The following NELL1 variants were observed in gnomAD, a reference collection of about 807,000 sequenced individuals.
The protein encoded by NELL1 is protein kinase C-binding protein NELL1.
In NELL1, 76 loss-of-function variants were observed where a neutral mutation model predicts 107.4. The ratio of observed to expected loss-of-function variants is 0.71; its 90% confidence interval spans 0.59 to 0.86. The LOEUF (loss-of-function observed/expected upper bound fraction) is 0.86. Ranked by LOEUF, NELL1 falls within the 40% of genes least tolerant of loss-of-function variation. The probability of loss-of-function intolerance (pLI) is 0.00; values close to 1 mark genes in which losing one functional copy is unlikely to be tolerated. For missense variants in NELL1, 1,024 were observed against 1,005.5 expected, an observed-to-expected ratio of 1.02 and a Z score of -0.25; for synonymous variants, 353 against 341.2, an observed-to-expected ratio of 1.03 and a Z score of -0.38.
intron 14 of NELL1, among the ~76,000 whole-genome samples, chr11:21,305,740 AT>A (rs1849591582): frequency 6.6e-6 from 1 of 151,968 alleles, no homozygotes; most frequent in African/African-American, 2.4e-5. Context: ...TTCTATATAT[AT>A]ATTACATTTG....
intron 13 of NELL1, among the ~76,000 whole-genome samples, chr11:21,147,116 G>T (rs1209768274): frequency 6.6e-6 from 1 of 152,156 alleles, no homozygotes; most frequent in East Asian, 1.9e-4. Flanking sequence ...TCTAAAAGTG[G>T]TACTGAAGAA....
At chr11:20,951,678 G>C in intron 11 of NELL1, among the ~76,000 whole-genome samples, 1 of 152,120 alleles carries the variant, frequency 6.6e-6, no homozygotes, top group Non-Finnish European at 1.5e-5. Flanking sequence ...CTATAGAATT[G>C]GTAGGGAAGA....
chr11:21,149,495 A>T (rs1010223656), intron 13 of NELL1, among the ~76,000 whole-genome samples: 2 of 152,204 alleles, frequency 1.3e-5, no homozygotes, highest in Non-Finnish European at 2.9e-5. Flanking sequence ...AAACCATCAG[A>T]TGTCGTGAGA....
At chr11:20,865,812 T>G (rs950286864) in intron 4 of NELL1, among the ~76,000 whole-genome samples, 4 of 152,184 alleles carry the variant, frequency 2.6e-5, no homozygotes, top group African/African-American at 9.7e-5. Context: ...TGCCTGTACT[T>G]CTGTAAACAA....
At chr11:21,136,189 G>C (rs1855740073) in intron 13 of NELL1, among the ~76,000 whole-genome samples, 2 of 152,124 alleles carry the variant, frequency 1.3e-5, no homozygotes, top group Non-Finnish European at 2.9e-5. Flanking sequence ...AGTTCTGTGA[G>C]AACATTTCAT....
intron 15 of NELL1, among the ~76,000 whole-genome samples, chr11:21,492,767 G>T (rs1407690611): frequency 9.6e-6 from 1 of 104,310 alleles, no homozygotes; most frequent in Non-Finnish European, 1.8e-5. Flanking sequence ...AGGGGGGAGG[G>T]ATAGCATTAG....
intron 12 of NELL1, among the ~76,000 whole-genome samples, chr11:21,054,646 G>A (rs1314287984): frequency 3.3e-5 from 5 of 151,982 alleles, no homozygotes; most frequent in South Asian, 2.1e-4. Flanking sequence ...GTAAACAAGC[G>A]AGAGCCCATT....
At chr11:21,221,618 C>T (rs1857759018) in intron 13 of NELL1, among the ~76,000 whole-genome samples, 1 of 152,050 alleles carries the variant, frequency 6.6e-6, no homozygotes, top group South Asian at 2.1e-4. Context: ...GATAGGTTAC[C>T]TGTGTCCAGA....
chr11:21,310,471 A>T (rs1849727610), intron 14 of NELL1, among the ~76,000 whole-genome samples: 1 of 152,028 alleles, frequency 6.6e-6, no homozygotes, highest in South Asian at 2.1e-4. Flanking sequence ...AATATTGGTA[A>T]TCTAGTCAGA....
intron 2 of NELL1, among the ~76,000 whole-genome samples, chr11:20,719,316 C>T (rs1855323115): frequency 6.6e-6 from 1 of 152,126 alleles, no homozygotes; most frequent in Non-Finnish European, 1.5e-5. Flanking sequence ...TTATTTGATT[C>T]TCTTGCTTCA....
At chr11:21,468,851 G>A (rs1369938984) in intron 15 of NELL1, among the ~76,000 whole-genome samples, 1 of 152,042 alleles carries the variant, frequency 6.6e-6, no homozygotes, top group Non-Finnish European at 1.5e-5. Context: ...GAACACAGTA[G>A]ACAGGCCACA....
intron 12 of NELL1, among the ~76,000 whole-genome samples, chr11:21,031,236 T>C (rs1237344296): frequency 6.6e-6 from 1 of 152,248 alleles, no homozygotes; most frequent in African/African-American, 2.4e-5. Context: ...ATTTTCAATT[T>C]CCATTCTTAT....
intron 14 of NELL1, among the ~76,000 whole-genome samples, chr11:21,306,776 C>T (rs546851647): frequency 4.6e-5 from 7 of 152,136 alleles, no homozygotes; most frequent in South Asian, 4.1e-4. Flanking sequence ...TTACACTGTA[C>T]GTGAAAGAGA....
intron 16 of NELL1, among the ~76,000 whole-genome samples, chr11:21,535,615 A>T (rs1168845842): frequency 2.0e-5 from 3 of 152,188 alleles, no homozygotes; most frequent in African/African-American, 7.2e-5. Context: ...CTTTTGGACC[A>T]GATGTTGGCA....
chr11:21,486,500 C>A (rs1854635915), intron 15 of NELL1, among the ~76,000 whole-genome samples: 1 of 151,800 alleles, frequency 6.6e-6, no homozygotes, highest in Admixed American at 6.6e-5. Flanking sequence ...AAAGCAAGTT[C>A]AAAAAAATAG....
At chr11:21,282,313 T>C (rs112153570) in intron 14 of NELL1, among the ~76,000 whole-genome samples, 42 of 152,060 alleles carry the variant, frequency 2.8e-4, no homozygotes, top group African/African-American at 1.0e-3. Context: ...CTCAGGCCAG[T>C]TAAAATGACT....
intron 16 of NELL1, among the ~76,000 whole-genome samples, chr11:21,537,418 A>C (rs2133974335): frequency 6.6e-6 from 1 of 152,150 alleles, no homozygotes; most frequent in East Asian, 1.9e-4. Context: ...TTCCAATTTC[A>C]GGGCCTTTGC....
intron 2 of NELL1, among the ~76,000 whole-genome samples, chr11:20,726,626 T>C (rs1296190032): frequency 6.6e-6 from 1 of 152,210 alleles, no homozygotes; most frequent in African/African-American, 2.4e-5. Flanking sequence ...CTTTAAGTTC[T>C]AGGGTACATG....
intron 19 of NELL1, among the ~76,000 whole-genome samples, chr11:21,574,459 T>G (rs370979424): frequency 1.1e-4 from 17 of 151,804 alleles, no homozygotes; most frequent in East Asian, 5.8e-4. Context: ...TACATAAAAT[T>G]TTTAATGAAT....
Sources: allele counts gnomAD v4.1 joint callset (sites outside exome capture counted in the v4.1 genomes callset), GRCh38; gene constraint gnomAD v4.1.1; transcripts MANE v1.5; gene names NCBI Gene and HGNC (gene_info 2026-07-23, HGNC 2026-07-21).